The following RBMS3 variants were observed in gnomAD, a reference collection of about 807,000 sequenced individuals.
The protein encoded by RBMS3 is RNA-binding motif, single-stranded-interacting protein 3.
RBMS3 carries 27 observed loss-of-function variants against 66.8 expected under a neutral mutation model. That is an observed-to-expected ratio of 0.40 (90% CI 0.30 to 0.56). The LOEUF is 0.56. RBMS3 is among the 20% of genes least tolerant of loss of function. The pLI is 0.40. For synonymous variants in RBMS3, 188 were observed against 183.0 expected, an observed-to-expected ratio of 1.03 and a Z score of -0.22; for missense variants, 513 against 549.5, an observed-to-expected ratio of 0.93 and a Z score of 0.66.
chr3:29,786,212 T>G (rs2056812729), intron 6 of RBMS3, among the ~76,000 whole-genome samples: 1 of 151,398 alleles, frequency 6.6e-6, no homozygotes, highest in Admixed American at 6.6e-5. Context: ...TGGAAATACA[T>G]CCCATGCTCG....
At chr3:29,848,090 T>G (rs1018386697) in intron 6 of RBMS3, among the ~76,000 whole-genome samples, 1 of 152,204 alleles carries the variant, frequency 6.6e-6, no homozygotes, top group Admixed American at 6.5e-5. Context: ...CCTAAGTCTC[T>G]GAATGAAGGA....
intron 8 of RBMS3, among the ~76,000 whole-genome samples, chr3:29,888,554 G>A (rs2059926553): frequency 1.3e-5 from 2 of 151,504 alleles, no homozygotes; most frequent in Non-Finnish European, 3.0e-5. Flanking sequence ...TTGCTTTCTG[G>A]AAAGTAAGAC....
intron 6 of RBMS3, among the ~76,000 whole-genome samples, chr3:29,857,642 T>C (rs941011199): frequency 1.3e-5 from 2 of 151,996 alleles, no homozygotes; most frequent in African/African-American, 4.8e-5. Context: ...TTATTTTGTC[T>C]GTCTACATTT....
intron 4 of RBMS3, chr3:29,696,915 A>T (rs1180076738): frequency 1.0e-6 from 1 of 976,976 alleles, no homozygotes; most frequent in Non-Finnish European, 1.2e-6. Flanking sequence ...ATTGACTAGT[A>T]AAATGTCTCC....
At chr3:29,648,567 C>G (rs929120343) in intron 4 of RBMS3, among the ~76,000 whole-genome samples, 2 of 152,096 alleles carry the variant, frequency 1.3e-5, no homozygotes, top group African/African-American at 2.4e-5. Context: ...GCCACCACAA[C>G]TGGCTAGGGG....
rs557848106 is a variant in RBMS3 at position 29,522,380 on chromosome 3, G to T, written c.307+33881G>T. On this transcript the variant is annotated intron_variant, in intron 3 of 14. Coordinates refer to ENST00000383767, the MANE Select transcript of RBMS3 (RefSeq NM_001003793.3). ...GCTAATTTTTTGTAATTTTAGTAGA[G>T]ACGGGGTTTTATCACGTTGGCCAGG... Among the ~76,000 whole-genome samples the T allele has an allele frequency of 3.9e-5, 6 of 152,236 alleles. No individual in the cohort carries two copies. The East Asian group carries it at 5.8e-4, about 15-fold the overall frequency.
chr3:29,833,006 C>T (rs1476310269), intron 6 of RBMS3, among the ~76,000 whole-genome samples: 1 of 152,102 alleles, frequency 6.6e-6, no homozygotes, highest in African/African-American at 2.4e-5. Flanking sequence ...CCACAGAGAA[C>T]ACAAATGGGA....
intron 6 of RBMS3, among the ~76,000 whole-genome samples, chr3:29,800,883 C>A (rs1341623330): frequency 2.6e-5 from 4 of 151,926 alleles, no homozygotes; most frequent in South Asian, 2.1e-4. Context: ...GTTCATGTGA[C>A]CCTTTTGTCA....
chr3:29,479,637 T>C (rs1191758882), intron 2 of RBMS3, among the ~76,000 whole-genome samples: 1 of 152,166 alleles, frequency 6.6e-6, no homozygotes, highest in Non-Finnish European at 1.5e-5. Flanking sequence ...AAACATGGAA[T>C]TTAGTTTTGA....
At chr3:29,789,607 A>C (rs546624943) in intron 6 of RBMS3, among the ~76,000 whole-genome samples, 1 of 152,246 alleles carries the variant, frequency 6.6e-6, no homozygotes, top group Non-Finnish European at 1.5e-5. Flanking sequence ...ATTAATGTAC[A>C]TCTTTGATAA....
intron 1 of RBMS3, among the ~76,000 whole-genome samples, chr3:29,340,826 G>A (rs1019376688): frequency 3.3e-5 from 5 of 151,998 alleles, no homozygotes; most frequent in Non-Finnish European, 7.4e-5. Context: ...AGCAAATAAA[G>A]TACATTTTAT....
At chr3:29,987,341 ATAC>A (rs1451161051) in intron 12 of RBMS3, among the ~76,000 whole-genome samples, 9 of 152,212 alleles carry the variant, frequency 5.9e-5, no homozygotes, top group Admixed American at 2.0e-4. Context: ...AATATGGGTC[ATAC>A]TTTATGCTTA....
At chr3:29,413,213 A>G (rs573222690) in intron 1 of RBMS3, among the ~76,000 whole-genome samples, 34 of 152,230 alleles carry the variant, frequency 2.2e-4, no homozygotes, top group African/African-American at 7.7e-4. Flanking sequence ...TATTAAAAAT[A>G]CAAAAAATTA....
intron 1 of RBMS3, among the ~76,000 whole-genome samples, chr3:29,372,884 A>G (rs1327877000): frequency 8.9e-6 from 1 of 112,204 alleles, no homozygotes; most frequent in Non-Finnish European, 1.9e-5. Context: ...GTGAGAGAGA[A>G]AAAAAAAAAC....
At position 29,942,440 on chromosome 3, in the gene RBMS3, C is replaced by T. The variant is rs532019125; in HGVS notation, c.1051-1767C>T. On this transcript the variant is annotated intron_variant, in intron 11 of 14. Transcript: ENST00000383767. ...GAGGAGGCAGAAGCAGGAAGATCAA[C>T]TAAGCCCAGGAGTTTGAGGTTACAG... Among the ~76,000 whole-genome samples the T allele has an allele frequency of 4.6e-5, 7 of 151,730 alleles. No individual in the cohort carries two copies. The South Asian group carries it at 1.5e-3, about 32-fold the overall frequency.
chr3:29,682,654 C>T (rs1333466993), intron 4 of RBMS3, among the ~76,000 whole-genome samples: 1 of 152,172 alleles, frequency 6.6e-6, no homozygotes, highest in African/African-American at 2.4e-5. Context: ...GAGCGAACTG[C>T]TGCACCTGGC....
chr3:29,810,154 A>G (rs1456176689), intron 6 of RBMS3, among the ~76,000 whole-genome samples: 6 of 152,094 alleles, frequency 3.9e-5, no homozygotes, highest in South Asian at 2.1e-4. Context: ...ATAATTTGAC[A>G]CAATGTTTCC....
intron 12 of RBMS3, among the ~76,000 whole-genome samples, chr3:29,962,085 T>TA (rs917566332): frequency 5.5e-4 from 80 of 145,930 alleles, no homozygotes; most frequent in African/African-American, 2.0e-3. Flanking sequence ...ATTGTATATA[T>TA]AATAAGATAT....
chr3:29,431,498 G>A (rs190722679), intron 1 of RBMS3, among the ~76,000 whole-genome samples: 84 of 151,690 alleles, frequency 5.5e-4, no homozygotes, highest in East Asian at 7.8e-4. Flanking sequence ...TCACTATGTT[G>A]GCCAGGATGG....
Sources: allele counts gnomAD v4.1 joint callset (sites outside exome capture counted in the v4.1 genomes callset), GRCh38; gene constraint gnomAD v4.1.1; transcripts MANE v1.5; gene names NCBI Gene and HGNC (gene_info 2026-07-23, HGNC 2026-07-21).